Variants in GIPC2 observed in about 807,000 individuals in gnomAD.
The protein encoded by GIPC2 is GIPC PDZ domain containing family member 2.
A neutral mutation model predicts 30.6 loss-of-function variants in GIPC2; 30 were observed. The ratio of observed to expected loss-of-function variants is 0.98; its 90% CI spans 0.73 to 1.33. GIPC2 has a LOEUF of 1.33. Ranked by LOEUF, GIPC2 falls within the 40% of genes most tolerant of loss-of-function variation. GIPC2 has a pLI of 0.00. For missense variants in GIPC2, 414 were observed against 390.3 expected, an observed-to-expected ratio of 1.06 and a Z score of -0.51; for synonymous variants, 167 against 150.0, an observed-to-expected ratio of 1.11 and a Z score of -0.83.
intron 5 of GIPC2, among the ~76,000 whole-genome samples, chr1:78,129,031 T>TAAATAAA (rs3057086): frequency 7.7e-6 from 1 of 129,366 alleles, no homozygotes; most frequent in Non-Finnish European, 1.7e-5. Flanking sequence ...AATAAATAAA[T>TAAATAAA]GAAAAAAAAA....
chr1:78,081,141 C>G (rs1661821065), intron 2 of GIPC2, among the ~76,000 whole-genome samples: 1 of 152,074 alleles, frequency 6.6e-6, no homozygotes, highest in Non-Finnish European at 1.5e-5. Flanking sequence ...TAAGCTTTTC[C>G]ATGTCTGTAG....
chr1:78,131,319 C>T (rs1349554090), intron 5 of GIPC2, among the ~76,000 whole-genome samples: 1 of 152,102 alleles, frequency 6.6e-6, no homozygotes, highest in Non-Finnish European at 1.5e-5. Context: ...CGCCGTTCTC[C>T]TGCCTCAGCC....
chr1:78,070,200 A>G (rs115043883), intron 1 of GIPC2, among the ~76,000 whole-genome samples: 1,703 of 152,250 alleles, frequency 0.011, 36 homozygotes, highest in African/African-American at 0.039. Flanking sequence ...GGTAATTTGG[A>G]ACGTTTAATC....
intron 2 of GIPC2, among the ~76,000 whole-genome samples, chr1:78,081,836 G>GT (rs1402056371): frequency 6.6e-6 from 1 of 152,070 alleles, no homozygotes; most frequent in Non-Finnish European, 1.5e-5. Context: ...TTGGTATTAT[G>GT]TTTTTTCTTT....
intron 3 of GIPC2, among the ~76,000 whole-genome samples, chr1:78,119,165 A>G (rs766764258): frequency 2.6e-5 from 4 of 152,106 alleles, no homozygotes; most frequent in Non-Finnish European, 5.9e-5. Flanking sequence ...CATTTCACAT[A>G]TTCCCTTTTC....
intron 1 of GIPC2, chr1:78,069,178 T>G: frequency 1.5e-6 from 1 of 674,612 alleles, no homozygotes; most frequent in Non-Finnish European, 1.8e-6. Flanking sequence ...GACAGAATTC[T>G]GTTCTTGGCT....
At chr1:78,078,550 T>C (rs1000933125) in intron 1 of GIPC2, among the ~76,000 whole-genome samples, 1 of 152,150 alleles carries the variant, frequency 6.6e-6, no homozygotes, top group Non-Finnish European at 1.5e-5. Flanking sequence ...TAGAATGGAA[T>C]GTTATTCTGC....
chr1:78,106,895 C>T (rs574959379), intron 3 of GIPC2, among the ~76,000 whole-genome samples: 44 of 151,990 alleles, frequency 2.9e-4, no homozygotes, highest in African/African-American at 1.0e-3. Context: ...AGGCTGGTCT[C>T]GAACTCGCGA....
chr1:78,113,025 A>G (rs991462031), intron 3 of GIPC2, among the ~76,000 whole-genome samples: 1 of 152,182 alleles, frequency 6.6e-6, no homozygotes, highest in African/African-American at 2.4e-5. Context: ...CTAAAAATCA[A>G]TGTTTAGGTT....
chr1:78,069,566 C>G (rs905835196), intron 1 of GIPC2, among the ~76,000 whole-genome samples: 5 of 151,562 alleles, frequency 3.3e-5, no homozygotes, highest in Admixed American at 2.0e-4. Flanking sequence ...CTCTGCCTCC[C>G]AGGTTCAAGT....
At chr1:78,045,415 G>A (rs1225943186), upstream of GIPC2, 3 of 254,650 alleles carry the variant, frequency 1.2e-5, no homozygotes, top group African/African-American at 6.9e-5. Flanking sequence ...GTCCTCTGTA[G>A]AGACTAAGAA....
chr1:78,109,491 C>G (rs1485240341), intron 3 of GIPC2, among the ~76,000 whole-genome samples: 1 of 152,172 alleles, frequency 6.6e-6, no homozygotes, highest in Non-Finnish European at 1.5e-5. Context: ...GCCCACTTAC[C>G]TGGTTGTCTG....
intron 3 of GIPC2, among the ~76,000 whole-genome samples, chr1:78,117,445 G>C (rs1662589938): frequency 6.6e-6 from 1 of 152,138 alleles, no homozygotes; most frequent in Non-Finnish European, 1.5e-5. Flanking sequence ...AATGGTTTTG[G>C]GATAAAACTG....
At chr1:78,063,470 C>G (rs1305802877) in intron 1 of GIPC2, among the ~76,000 whole-genome samples, 1 of 147,292 alleles carries the variant, frequency 6.8e-6, no homozygotes, top group Admixed American at 6.8e-5. Context: ...CCAGCCTGGG[C>G]CACAAGAGCT....
intron 3 of GIPC2, among the ~76,000 whole-genome samples, chr1:78,113,880 C>CTAT (rs1662519734): frequency 7.1e-6 from 1 of 140,092 alleles, no homozygotes; most frequent in Non-Finnish European, 1.6e-5. Flanking sequence ...TTTTTTTTTG[C>CTAT]AACTCATTCT....
chr1:78,053,916 A>T (rs1222756133), intron 1 of GIPC2, among the ~76,000 whole-genome samples: 1 of 152,110 alleles, frequency 6.6e-6, no homozygotes, highest in African/African-American at 2.4e-5. Flanking sequence ...CAACAGAGCA[A>T]GACTGTCTAA....
intron 4 of GIPC2, among the ~76,000 whole-genome samples, chr1:78,120,715 T>C (rs1662665342): frequency 6.6e-6 from 1 of 152,278 alleles, no homozygotes. Context: ...GGGGAACTGC[T>C]CTTTATAAAA....
rs377237116 is a variant in GIPC2, at chr1:78,080,691, T to G, written c.257T>G (p.Leu86Ter). 2.5e-6 allele frequency: 4 copies of G among 1,603,004 alleles called. No homozygotes were observed. Among genetic ancestry groups the G allele is most frequent in the East Asian group, 2.2e-5 (1 of 44,744 alleles). Residue 86 changes from leucine (L) to a stop codon, truncating the protein, a stop_gained, in exon 2 of 6, where the codon TTA becomes TGA. Transcript: ENST00000370759. LOFTEE classifies it high-confidence loss of function. ...TCTTTGCAGATCTTATATTGCACTT[T>G]AAACACACCTAAAATTGACATGGAA... ...ISPSEILYCTLNTPKIDMERL... is the reference protein window; with the variant it reads ...ISPSEILYCT
chr1:78,103,676 A>G (rs1418356180), intron 3 of GIPC2, among the ~76,000 whole-genome samples: 1 of 152,240 alleles, frequency 6.6e-6, no homozygotes, highest in Admixed American at 6.5e-5. Flanking sequence ...TCTTCAGAAC[A>G]TAATGCAGAC....
Sources: allele counts gnomAD v4.1 joint callset (sites outside exome capture counted in the v4.1 genomes callset), GRCh38; gene constraint gnomAD v4.1.1; transcripts MANE v1.5; gene names NCBI Gene and HGNC (gene_info 2026-07-23, HGNC 2026-07-21).